Variants in TEX9 observed in about 807,000 individuals in gnomAD.
The protein encoded by TEX9 is testis-expressed protein 9.
TEX9 carries 74 observed loss-of-function variants against 59.6 expected under a neutral mutation model. The ratio of observed to expected loss-of-function variants is 1.24; its 90% CI spans 1.03 to 1.51. The LOEUF is 1.51. Among genes scored for constraint, TEX9 ranks in the 40% most tolerant of loss-of-function variants. The pLI, the probability that TEX9 is intolerant of heterozygous loss-of-function variation, is 0.00. For synonymous variants in TEX9, 186 were observed against 152.2 expected (o/e 1.22, Z -1.64); for missense variants, 522 against 447.8 (o/e 1.17, Z -1.49).
intron 1 of TEX9, among the ~76,000 whole-genome samples, chr15:56,288,945 A>G (rs1337434277): frequency 1.3e-5 from 2 of 151,964 alleles, no homozygotes; most frequent in East Asian, 1.9e-4. Flanking sequence ...CCCTTAGTGC[A>G]TATTTTCAAA....
chr15:56,448,359 G>C (rs985918771), downstream of TEX9, among the ~76,000 whole-genome samples: 1 of 152,168 alleles, frequency 6.6e-6, no homozygotes, highest in African/African-American at 2.4e-5. Context: ...AGTGAGCACA[G>C]AATCAAATGG....
intron 2 of TEX9, 54 bp downstream of exon 2, chr15:56,365,724 G>A (rs1047812798): frequency 1.2e-6 from 2 of 1,607,226 alleles, no homozygotes; most frequent in Non-Finnish European, 1.7e-6. Context: ...GAATGAGGCT[G>A]CTTACAAGTA....
intron 1 of TEX9, among the ~76,000 whole-genome samples, chr15:56,272,305 A>G (rs1167229582): frequency 6.6e-6 from 1 of 152,136 alleles, no homozygotes; most frequent in Non-Finnish European, 1.5e-5. Context: ...CCTGGCAATC[A>G]CTAATTTACT....
intron 1 of TEX9, among the ~76,000 whole-genome samples, chr15:56,328,924 G>T (rs1300304327): frequency 7.2e-5 from 11 of 152,176 alleles, no homozygotes; most frequent in African/African-American, 2.7e-4. Context: ...GAGTCCTAGG[G>T]CCTTGTACAA....
At chr15:56,350,683 A>G (rs1478735405) in intron 1 of TEX9, among the ~76,000 whole-genome samples, 4 of 152,222 alleles carry the variant, frequency 2.6e-5, no homozygotes, top group Admixed American at 1.3e-4. Flanking sequence ...TCCTGGTCCC[A>G]TAAATATCAT....
chr15:56,311,160 T>C (rs1337100632), intron 1 of TEX9, among the ~76,000 whole-genome samples: 7 of 148,486 alleles, frequency 4.7e-5, no homozygotes, highest in Admixed American at 4.7e-4. Context: ...TTTTTAATTA[T>C]ACTTTAAGTT....
chr15:56,410,386 A>T (rs1358446159), intron 9 of TEX9, among the ~76,000 whole-genome samples: 1 of 152,014 alleles, frequency 6.6e-6, no homozygotes, highest in Non-Finnish European at 1.5e-5. Context: ...TGCTTTAATA[A>T]TCATGAGAGA....
rs1341605189 is a variant in TEX9, at chr15:56,384,038, A to G, written c.263+7A>G. ...AAGATGATTACAGTTTAAGGTAAGTATCTTAAATTCTCAAGCACCTTCTTT... is the reference window on the plus strand; with the variant it reads ...AAGATGATTACAGTTTAAGGTAAGTGTCTTAAATTCTCAAGCACCTTCTTT... On this transcript the variant is annotated splice_region_variant and intron_variant, in intron 4 of 12. Coordinates refer to ENST00000352903, the Ensembl canonical transcript of TEX9. 1 of 1,605,530 alleles carries G rather than the reference A, an allele frequency of 6.2e-7. No homozygotes were observed. The highest frequency in any genetic ancestry group is 1.7e-5 in the Admixed American group (1 of 58,804).
chr15:56,277,913 C>T (rs543133623), intron 1 of TEX9, among the ~76,000 whole-genome samples: 5 of 152,256 alleles, frequency 3.3e-5, no homozygotes, highest in Non-Finnish European at 7.4e-5. Context: ...CTGCTCTCTG[C>T]CACTGAGGAA....
intron 9 of TEX9, chr15:56,395,894 G>T (rs1361839448): frequency 2.0e-5 from 3 of 152,050 alleles, no homozygotes; most frequent in Non-Finnish European, 2.9e-5. Context: ...GGTATATTTT[G>T]CAAATAGTTT....
chr15:56,310,866 A>T (rs116636952), intron 1 of TEX9, among the ~76,000 whole-genome samples: 4 of 152,096 alleles, frequency 2.6e-5, no homozygotes, highest in African/African-American at 9.7e-5. Flanking sequence ...ACCTCAACAG[A>T]GTTTTCAAAA....
chr15:56,325,895 T>C (rs1371280295), intron 1 of TEX9, among the ~76,000 whole-genome samples: 4 of 152,238 alleles, frequency 2.6e-5, no homozygotes, highest in African/African-American at 4.8e-5. Context: ...GACTGTGCAT[T>C]TACCATTTGC....
chr15:56,428,475 T>TTG, intron 12 of TEX9: 1 of 1,411,602 alleles, frequency 7.1e-7, no homozygotes, highest in Non-Finnish European at 1.0e-6. Flanking sequence ...TCTATGACAG[T>TTG]ATGTGATGGA....
intron 1 of TEX9, among the ~76,000 whole-genome samples, chr15:56,310,745 A>G (rs2045592177): frequency 6.6e-6 from 1 of 152,200 alleles, no homozygotes; most frequent in Admixed American, 6.5e-5. Context: ...AGCAAAGGGA[A>G]AGCAGAGAAA....
At chr15:56,376,700 TG>T (rs1223292501) in intron 3 of TEX9, among the ~76,000 whole-genome samples, 1 of 152,142 alleles carries the variant, frequency 6.6e-6, no homozygotes, top group Non-Finnish European at 1.5e-5. Flanking sequence ...TCCCATTCTG[TG>T]GGTTGTCTCT....
At chr15:56,398,940 T>C (rs2142408183) in intron 9 of TEX9, among the ~76,000 whole-genome samples, 2 of 152,294 alleles carry the variant, frequency 1.3e-5, no homozygotes, top group Middle Eastern at 6.8e-3. Flanking sequence ...GAGACCATCC[T>C]GGCTAACATG....
chr15:56,285,256 G>A (rs973638099), intron 1 of TEX9, among the ~76,000 whole-genome samples: 1 of 152,044 alleles, frequency 6.6e-6, no homozygotes, highest in Non-Finnish European at 1.5e-5. Flanking sequence ...AATATTTTCT[G>A]TTGGTACATA....
rs1228427393 is a variant in TEX9, at chr15:56,272,729, G to A, written c.-107+28451G>A. Among the ~76,000 whole-genome samples, 4 of 152,100 alleles carry A rather than the reference G, an allele frequency of 2.6e-5. No homozygotes were observed. The East Asian group carries it at 7.7e-4, about 29-fold the overall frequency. Reference sequence around the variant, plus strand: ...GCTGCACCATTTTGTTTTCCCAATAGATTTGACTTAAAAAAATGTATAACA... The same window carrying A: ...GCTGCACCATTTTGTTTTCCCAATAAATTTGACTTAAAAAAATGTATAACA... On this transcript the variant is annotated intron_variant, in intron 1 of 5. Transcript: ENST00000560827.
the TEX9 span, among the ~76,000 whole-genome samples, chr15:56,457,307 T>G: frequency 6.6e-6 from 1 of 152,150 alleles, no homozygotes; most frequent in Non-Finnish European, 1.5e-5. Flanking sequence ...TTGATTAAAT[T>G]CAGTATCTAA....
Sources: gnomAD v4.1 joint callset for allele counts (sites outside exome capture counted in the v4.1 genomes callset) on GRCh38, gnomAD v4.1.1 for gene constraint, MANE v1.5 for transcripts, NCBI Gene and HGNC (gene_info 2026-07-23, HGNC 2026-07-21) for gene names.